PCNT: variants seen among roughly 807,000 people sequenced by gnomAD.
PCNT encodes the protein kendrin.
PCNT carries 319 observed loss-of-function variants against 380.4 expected under a neutral mutation model. The ratio of observed to expected loss-of-function variants is 0.84; its 90% confidence interval spans 0.77 to 0.92. The LOEUF is 0.92. Among genes scored for constraint, PCNT ranks in the 40% least tolerant of loss-of-function variants. The pLI, the probability that PCNT is intolerant of heterozygous loss-of-function variation, is 0.00. For synonymous variants in PCNT, 1,845 were observed against 1,735.2 expected (o/e 1.06, Z -1.57); for missense variants, 4,400 against 4,255.3 (o/e 1.03, Z -0.95).
chr21:46,391,078 C>A, intron 20 of PCNT, 86 bp from the exon 21 acceptor site: 2 of 1,320,004 alleles, frequency 1.5e-6, no homozygotes, highest in Non-Finnish European at 2.1e-6. Context: ...CTCTCAGGGG[C>A]AGTGGCCCCG....
intron 41 of PCNT, 95 bp from the exon 42 acceptor site, chr21:46,439,988 C>A (rs2053563580): frequency 6.6e-7 from 1 of 1,508,522 alleles, no homozygotes. Context: ...CCTCCCCGCA[C>A]ATGGCCTTCT....
chr21:46,393,529 G>A lies in PCNT; in HGVS notation c.4216+2153G>A, dbSNP rs571438564. On this transcript the variant is annotated intron_variant, in intron 21 of 46. Coordinates refer to ENST00000359568, the MANE Select transcript of PCNT (RefSeq NM_006031.6). ...GTGTCTTCGCGCCCAGCCAGCCGGCGCTGGGCCACACCCCGCCGGGGGAGA... is the reference window on the plus strand; with the variant it reads ...GTGTCTTCGCGCCCAGCCAGCCGGCACTGGGCCACACCCCGCCGGGGGAGA... Among the ~76,000 whole-genome samples, 308 of 152,202 alleles carry A rather than the reference G, an allele frequency of 2.0e-3. 2 individuals are homozygous for A. Among genetic ancestry groups the A allele is most frequent in the Non-Finnish European group, 3.4e-3 (233 of 67,992 alleles).
intron 35 of PCNT, 43 bp downstream of exon 35, chr21:46,428,633 C>T (rs1219646400): frequency 2.0e-6 from 3 of 1,498,170 alleles, no homozygotes; most frequent in Admixed American, 1.9e-5. Context: ...GGCCTCTGCA[C>T]CTGCCCGCCC....
In PCNT at chr21:46,324,297, C is replaced by T. The variant is rs1243059317; in HGVS notation, c.54+15C>T. On this transcript the variant is annotated intron_variant, in intron 1 of 46. Coordinates refer to ENST00000359568, the MANE Select transcript of PCNT (RefSeq NM_006031.6). ...GGAGGACGAAGGTAAACATTAGGGG[C>T]TTCTTCTCTAGCTGCTCTGGCGTGA... 2 of 1,599,706 alleles carry T rather than the reference C, an allele frequency of 1.3e-6. No homozygotes were observed. Among genetic ancestry groups the T allele is most frequent in the Admixed American group, 1.7e-5 (1 of 58,894 alleles).
intron 13 of PCNT, among the ~76,000 whole-genome samples, chr21:46,363,070 T>C (rs868182925): frequency 2.0e-5 from 3 of 152,194 alleles, no homozygotes; most frequent in South Asian, 4.1e-4. Flanking sequence ...CTTGCTGCAG[T>C]GGCCCAGCGC....
chr21:46,433,212 T>C (rs1348316171), intron 38 of PCNT, among the ~76,000 whole-genome samples: 1 of 152,106 alleles, frequency 6.6e-6, no homozygotes, highest in Non-Finnish European at 1.5e-5. Context: ...CGAAAGCCCA[T>C]TTCTACTAAA....
In PCNT at chr21:46,389,227, T is replaced by C. The variant is rs2085949229; in HGVS notation, c.3636T>C (p.Asp1212=). 2 of 1,614,172 alleles carry C rather than the reference T, an allele frequency of 1.2e-6. No individual in the cohort carries two copies. Among genetic ancestry groups the C allele is most frequent in the Non-Finnish European group, 1.7e-6 (2 of 1,180,012 alleles). The change falls in exon 19 of 47, where the codon GAT becomes GAC. Residue 1212 remains aspartate (D), a synonymous_variant. Coordinates refer to ENST00000359568, the MANE Select transcript of PCNT (RefSeq NM_006031.6). ...TAPALEETWS[D]VALPELDRTL... is the part of the protein sequence containing the mutation. ...CGGCGCTGGAGGAGACATGGTCTGA[T>C]GTGGCCCTCCCGGAGTTGGACAGAA...
intron 3 of PCNT, among the ~76,000 whole-genome samples, chr21:46,344,015 C>T (rs2083987188): frequency 6.6e-6 from 1 of 151,486 alleles, no homozygotes; most frequent in Non-Finnish European, 1.5e-5. Context: ...CTCTTCCTTT[C>T]CTGGTTAATC....
At chr21:46,396,733 A>C (rs935878486) in intron 21 of PCNT, among the ~76,000 whole-genome samples, 1 of 152,144 alleles carries the variant, frequency 6.6e-6, no homozygotes, top group Admixed American at 6.5e-5. Context: ...CCTCCCGAGT[A>C]GCTGGGATTA....
In PCNT at chr21:46,425,725, C is replaced by T. The variant is rs1467328335; in HGVS notation, c.7180-106C>T. ...GCGGTGCCCTCCCTCTCCACAGCTG[C>T]CCGCCCTTCACAGAGTCCTGGCGGC... On this transcript the variant is annotated intron_variant, in intron 32 of 46. Transcript: ENST00000359568. The surrounding 1 kb of genome is among the most constrained non-coding windows in gnomAD (Gnocchi z 4.2). 2.0e-6 allele frequency: 3 copies of T among 1,530,456 alleles called. No homozygotes were observed. Among genetic ancestry groups the T allele is most frequent in the African/African-American group, 1.4e-5 (1 of 73,270 alleles). 94.8% of individuals were successfully genotyped at this position (1,530,456 alleles called of 1,614,324 possible).
intron 39 of PCNT, 87 bp downstream of exon 39, chr21:46,436,235 G>A (rs2053443384): frequency 6.8e-7 from 1 of 1,473,668 alleles, no homozygotes; most frequent in African/African-American, 1.4e-5. Context: ...GGCGCGTCTG[G>A]TGTGAGGCCC....
chr21:46,398,860 C>T (rs1272538331), intron 24 of PCNT, among the ~76,000 whole-genome samples: 1 of 146,554 alleles, frequency 6.8e-6, no homozygotes, highest in Non-Finnish European at 1.5e-5. Flanking sequence ...CATGCAGTTG[C>T]CCAGGCTGGA....
chr21:46,417,597 TTGAG>T lies in PCNT; in HGVS notation c.6922-605_6922-602del, dbSNP rs567036843. 1.1e-3 allele frequency among the ~76,000 whole-genome samples: 174 copies of T among 152,310 alleles called. 1 individual carries two copies. The highest frequency in any genetic ancestry group is 2.4e-3 in the Admixed American group (36 of 15,296). ...TAATCATTTTGGGATTTTGTGTATCTTGAGTAAGATAAAATTAAAAATCAGGTAT... is the reference window on the plus strand; with the variant it reads ...TAATCATTTTGGGATTTTGTGTATCTTAAGATAAAATTAAAAATCAGGTAT... On this transcript the variant is annotated intron_variant, in intron 30 of 46. Transcript: ENST00000359568.
In PCNT at chr21:46,416,806, G is replaced by A. The variant is rs532762118; in HGVS notation, c.6888G>A (p.Pro2296=). ...ALALQWAESP[P]ADDHHVQRTA... ...CACTGCAGTGGGCCGAGTCTCCGCC[G>A]GCTGACGACCACCATGTGCAGAGGA... The change falls in exon 30 of 47, where the codon CCG becomes CCA. Residue 2296 remains proline (P), a synonymous_variant. Coordinates refer to ENST00000359568, the MANE Select transcript of PCNT (RefSeq NM_006031.6). The A allele has an allele frequency of 1.0e-5, 16 of 1,598,934 alleles. No individual in the cohort carries two copies. Among genetic ancestry groups the A allele is most frequent in the East Asian group, 6.7e-5 (3 of 44,870 alleles).
intron 27 of PCNT, among the ~76,000 whole-genome samples, chr21:46,405,517 G>A (rs748088425): frequency 1.3e-5 from 2 of 152,192 alleles, no homozygotes; most frequent in Non-Finnish European, 1.5e-5. Context: ...GGCCAACATG[G>A]TGAAACCCCG....
intron 30 of PCNT, among the ~76,000 whole-genome samples, chr21:46,417,184 CTTT>C (rs71318076): frequency 3.3e-4 from 24 of 73,336 alleles, no homozygotes; most frequent in Non-Finnish European, 5.2e-4. Context: ...GGAATGCTTC[CTTT>C]TTTTTTTTTT....
chr21:46,383,282 G>A (rs2085657890), intron 16 of PCNT, among the ~76,000 whole-genome samples: 2 of 143,476 alleles, frequency 1.4e-5, no homozygotes, highest in Admixed American at 1.4e-4. Context: ...ACAGTGCTGT[G>A]CATTCAGCAG....
At chr21:46,434,870 G>C (rs73909517) in intron 38 of PCNT, among the ~76,000 whole-genome samples, 7,746 of 152,316 alleles carry the variant, frequency 0.051, 639 homozygotes, top group African/African-American at 0.17. Context: ...ATGTGGATGA[G>C]TGGGACCAGG....
chr21:46,357,855 G>C (rs1328223041), intron 13 of PCNT, among the ~76,000 whole-genome samples: 2 of 152,234 alleles, frequency 1.3e-5, no homozygotes, highest in African/African-American at 4.8e-5. Flanking sequence ...AATTGCGTCC[G>C]CGTTCCCCAG....
Sources: gnomAD v4.1 joint callset for allele counts (sites outside exome capture counted in the v4.1 genomes callset) on GRCh38, gnomAD v4.1.1 for gene constraint, Gnocchi (gnomAD v3.1) non-coding constraint, MANE v1.5 for transcripts, NCBI Gene and HGNC (gene_info 2026-07-23, HGNC 2026-07-21) for gene names.